ALDH9A1: variants seen among roughly 807,000 people sequenced by gnomAD.
ALDH9A1 encodes the protein aldehyde dehydrogenase 9 family member A1.
A neutral mutation model predicts 56.6 loss-of-function variants in ALDH9A1; 42 were observed. That is an observed-to-expected ratio of 0.74 (90% CI 0.58 to 0.96). The LOEUF (loss-of-function observed/expected upper bound fraction) is 0.96, where lower values mean the gene tolerates loss of function less well. Ranked by LOEUF, ALDH9A1 falls within the 40% of genes least tolerant of loss-of-function variation. The pLI is 0.00. For missense variants in ALDH9A1, 661 were observed against 651.5 expected, an observed-to-expected ratio of 1.01 and a Z score of -0.16; for synonymous variants, 242 against 236.0, an observed-to-expected ratio of 1.03 and a Z score of -0.23.
chr1:165,687,107 T>C (rs941074960), intron 2 of ALDH9A1, among the ~76,000 whole-genome samples: 1 of 151,244 alleles, frequency 6.6e-6, no homozygotes, highest in African/African-American at 2.4e-5. Flanking sequence ...GTCATAACAA[T>C]AGAAATTACC....
intron 6 of ALDH9A1, among the ~76,000 whole-genome samples, chr1:165,670,902 T>C (rs1381405267): frequency 6.6e-6 from 1 of 151,978 alleles, no homozygotes; most frequent in Admixed American, 6.6e-5. Flanking sequence ...CAAGACGTCA[T>C]CTCTACTAAA....
intron 6 of ALDH9A1, among the ~76,000 whole-genome samples, chr1:165,673,696 A>G (rs111253145): frequency 1.3e-5 from 2 of 152,108 alleles, no homozygotes; most frequent in African/African-American, 4.8e-5. Context: ...AATACAAGAG[A>G]CCCTAATAAT....
rs190486293 is a variant in ALDH9A1 at position 165,675,888 on chromosome 1, T to C, written c.930+3554A>G. ...TTCTGAGCTCTAATTAGAAGGTTTA[T>C]TTTCCACAGAGGTATGGATTTACAA... is the stretch of plus-strand genomic sequence containing the variant. On this transcript the variant is annotated intron_variant, in intron 6 of 10. Coordinates refer to ENST00000354775, the MANE Select transcript of ALDH9A1 (RefSeq NM_000696.4). Among the ~76,000 whole-genome samples, 36 of 152,318 alleles carry C rather than the reference T, an allele frequency of 2.4e-4. No individual in the cohort carries two copies. In the East Asian group the frequency reaches 6.6e-3, roughly 28 times the overall value.
intron 8 of ALDH9A1, 53 bp downstream of exon 8, chr1:165,668,873 T>G: frequency 7.6e-7 from 1 of 1,310,066 alleles, no homozygotes. Context: ...TTCATCTCTA[T>G]CTATTCAGTA....
chr1:165,689,915 CAG>C (rs967752646), intron 2 of ALDH9A1, among the ~76,000 whole-genome samples: 1 of 143,120 alleles, frequency 7.0e-6, no homozygotes, highest in African/African-American at 2.6e-5. Flanking sequence ...GCCTGGGTGA[CAG>C]AGTGAGACTC....
At chr1:165,667,683 T>C (rs568255459) in intron 8 of ALDH9A1, among the ~76,000 whole-genome samples, 1 of 152,276 alleles carries the variant, frequency 6.6e-6, no homozygotes, top group Admixed American at 6.5e-5. Context: ...ATTTATTAAA[T>C]ATTCATGTAA....
At chr1:165,671,205 C>T (rs1192976701) in intron 6 of ALDH9A1, 1 of 198,742 alleles carries the variant, frequency 5.0e-6, no homozygotes, top group South Asian at 8.5e-5. Flanking sequence ...GAAATAGGTA[C>T]TCATGCATCG....
At chr1:165,672,548 C>G (rs1218228339) in intron 6 of ALDH9A1, among the ~76,000 whole-genome samples, 1 of 152,008 alleles carries the variant, frequency 6.6e-6, no homozygotes, top group East Asian at 1.9e-4. Flanking sequence ...ACACAGTTTT[C>G]AATGTGGGGT....
intron 2 of ALDH9A1, among the ~76,000 whole-genome samples, chr1:165,692,218 A>G (rs901381728): frequency 4.6e-5 from 7 of 152,198 alleles, no homozygotes; most frequent in Admixed American, 1.3e-4. Flanking sequence ...GTTCTGGCCA[A>G]GGCAATCAGG....
At chr1:165,667,747 T>C (rs1388540807) in intron 8 of ALDH9A1, among the ~76,000 whole-genome samples, 1 of 152,208 alleles carries the variant, frequency 6.6e-6, no homozygotes. Context: ...CTTTTAAATG[T>C]CAATGGTTCT....
rs1181003960 is a variant in ALDH9A1 at position 165,662,936 on chromosome 1, C to T, written c.*114G>A. ...GAGTAACATGAACCATTCTCTTATA[C>T]TGAACGCCAAAATTCTGGATGTAAA... is the stretch of plus-strand genomic sequence containing the variant. On this transcript the variant is annotated 3_prime_UTR_variant, in exon 11 of 11. Transcript: ENST00000354775. The T allele has an allele frequency of 2.2e-6, 2 of 924,990 alleles. No individual in the cohort carries two copies. Among genetic ancestry groups the T allele is most frequent in the East Asian group, 4.8e-5 (2 of 41,424 alleles). The allele number at this position is 924,990 out of a possible 1,614,324, so 57.3% of individuals were successfully genotyped here.
chr1:165,685,249 T>C (rs566691157), intron 2 of ALDH9A1, among the ~76,000 whole-genome samples: 5 of 152,294 alleles, frequency 3.3e-5, no homozygotes, highest in Admixed American at 2.0e-4. Context: ...GGATGAAAGA[T>C]TAGAAGCCAA....
intron 2 of ALDH9A1, among the ~76,000 whole-genome samples, chr1:165,683,596 G>A (rs1649621895): frequency 6.6e-6 from 1 of 152,152 alleles, no homozygotes; most frequent in Admixed American, 6.5e-5. Context: ...CAGTTCTTAG[G>A]GAAATTATAC....
intron 9 of ALDH9A1, among the ~76,000 whole-genome samples, chr1:165,665,767 G>A (rs531154111): frequency 6.6e-6 from 1 of 152,284 alleles, no homozygotes; most frequent in South Asian, 2.1e-4. Context: ...AACAAGGGCT[G>A]GTGAGGATGT....
chr1:165,663,234 G>C (rs2101731606), intron 10 of ALDH9A1, 90 bp from the exon 11 acceptor site: 1 of 1,044,892 alleles, frequency 9.6e-7, no homozygotes, highest in Non-Finnish European at 1.5e-6. Flanking sequence ...TGCTAATCAG[G>C]GCTAGGGAAG....
At chr1:165,671,466 C>T (rs941126264) in intron 6 of ALDH9A1, 11 of 445,028 alleles carry the variant, frequency 2.5e-5, no homozygotes, top group Admixed American at 1.8e-4. Context: ...TGCACAAGTA[C>T]GATTTGTGAC....
intron 6 of ALDH9A1, among the ~76,000 whole-genome samples, chr1:165,675,019 C>G (rs921948628): frequency 6.6e-6 from 1 of 152,042 alleles, no homozygotes; most frequent in Non-Finnish European, 1.5e-5. Context: ...ATGGTGAAAC[C>G]CTGTCTCTAC....
chr1:165,666,177 T>C (rs1055841524), intron 9 of ALDH9A1, among the ~76,000 whole-genome samples: 1 of 152,166 alleles, frequency 6.6e-6, no homozygotes, highest in Non-Finnish European at 1.5e-5. Flanking sequence ...ATTCCATTTA[T>C]ATAAAATGTT....
At position 165,695,453 on chromosome 1, in the gene ALDH9A1, A is replaced by C. The variant is rs932225179; in HGVS notation, c.182-56T>G. The C allele has an allele frequency of 6.2e-6, 9 of 1,445,664 alleles. No homozygotes were observed. In the African/African-American group the frequency reaches 1.2e-4, roughly 19 times the overall value. The allele number at this position is 1,445,664 out of a possible 1,614,324, so 89.6% of individuals were successfully genotyped here. A position where few individuals can be genotyped will look rare whatever the true frequency, so the allele number is the denominator to read the frequency against. On this transcript the variant is annotated intron_variant, in intron 1 of 10. Transcript: ENST00000354775. ...CAAATTGTTGCCACATATTTAAATA[A>C]AATATTATCTATCAATATTCTCTTA...
Sources: allele counts gnomAD v4.1 joint callset (sites outside exome capture counted in the v4.1 genomes callset), GRCh38; gene constraint gnomAD v4.1.1; transcripts MANE v1.5; gene names NCBI Gene and HGNC (gene_info 2026-07-23, HGNC 2026-07-21).